Variants in ADAMTS2 observed in about 807,000 individuals in gnomAD.
ADAMTS2 encodes the protein A disintegrin and metalloproteinase with thrombospondin motifs 2.
Under a neutral mutation model 123.0 loss-of-function variants are expected in ADAMTS2, and 50 were observed. That is an observed-to-expected ratio of 0.41 (90% CI 0.32 to 0.51). The LOEUF (loss-of-function observed/expected upper bound fraction) is 0.51, where lower values mean the gene tolerates loss of function less well. Ranked by LOEUF, ADAMTS2 falls within the 20% of genes least tolerant of loss-of-function variation. The probability of loss-of-function intolerance (pLI) is 0.35; values close to 1 mark genes in which losing one functional copy is unlikely to be tolerated. For synonymous variants in ADAMTS2, 678 were observed against 695.4 expected (o/e 0.98, Z 0.39); for missense variants, 1,494 against 1,705.2 (o/e 0.88, Z 2.18).
intron 3 of ADAMTS2, among the ~76,000 whole-genome samples, chr5:179,257,013 A>G (rs150198267): frequency 0.011 from 1,673 of 152,296 alleles, 21 homozygotes; most frequent in South Asian, 0.057. Context: ...TGCCTGGCCC[A>G]TCACTGGGGT....
chr5:179,134,795 AGCCCCCAGCTCCCG>A (rs1425874565), intron 13 of ADAMTS2, among the ~76,000 whole-genome samples: 9 of 26,350 alleles, frequency 3.4e-4, no homozygotes, highest in African/African-American at 1.5e-3. Context: ...TCCCGGCTCC[AGCCCCCAGCTCCCG>A]GCTCCAGCCC....
chr5:179,253,998 A>G (rs1344609537), intron 3 of ADAMTS2, among the ~76,000 whole-genome samples: 1 of 152,164 alleles, frequency 6.6e-6, no homozygotes, highest in African/African-American at 2.4e-5. Context: ...AATATATGCC[A>G]TCCCAGGGCG....
At chr5:179,206,011 G>A (rs543596107) in intron 4 of ADAMTS2, among the ~76,000 whole-genome samples, 5 of 152,172 alleles carry the variant, frequency 3.3e-5, no homozygotes, top group East Asian at 1.9e-4. Flanking sequence ...CGCCCACCTC[G>A]GCCTCCCAAA....
chr5:179,250,631 G>A (rs186943867), intron 3 of ADAMTS2, among the ~76,000 whole-genome samples: 1 of 152,328 alleles, frequency 6.6e-6, no homozygotes, highest in Admixed American at 6.5e-5. Context: ...CCAGGCCCCA[G>A]GCAACCCTCT....
At chr5:179,224,825 G>C (rs764500910) in intron 3 of ADAMTS2, among the ~76,000 whole-genome samples, 17 of 147,728 alleles carry the variant, frequency 1.2e-4, no homozygotes, top group Non-Finnish European at 2.4e-4. Flanking sequence ...TGCCACCTCA[G>C]CTCCACGCCC....
rs62395022 is a variant in ADAMTS2, at chr5:179,297,220, C to T, written c.535-24156G>A. On this transcript the variant is annotated intron_variant, in intron 2 of 21. Coordinates refer to ENST00000251582, the MANE Select transcript of ADAMTS2 (RefSeq NM_014244.5). ...GCAGAGGGGCACAGACTCATTGACT[C>T]GGGAAATGGGCCGGATTGATTTCTG... 1.7e-3 allele frequency among the ~76,000 whole-genome samples: 257 copies of T among 152,238 alleles called. 1 individual carries two copies. Among genetic ancestry groups the T allele is most frequent in the Admixed American group, 5.6e-3 (85 of 15,292 alleles).
At position 179,154,037 on chromosome 5, in the gene ADAMTS2, G is replaced by T. The variant is rs773245710; in HGVS notation, c.1382+12C>A. On this transcript the variant is annotated intron_variant, in intron 8 of 21. Transcript: ENST00000251582. ...TGAGGGGTCGCCCACGGGGCACATG[G>T]GCAGTACTCACTGCAGGTAGCGGCT... 5 of 1,596,280 alleles carry T rather than the reference G, an allele frequency of 3.1e-6. No individual in the cohort carries two copies. Among genetic ancestry groups the T allele is most frequent in the African/African-American group, 2.7e-5 (2 of 74,976 alleles).
Position 179,225,557 on chromosome 5 carries a change from G to A in ADAMTS2, c.689-17842C>T, listed in dbSNP as rs1047734188. On this transcript the variant is annotated intron_variant, in intron 3 of 21. Transcript: ENST00000251582. The surrounding 1 kb of genome is among the most constrained non-coding windows in gnomAD (Gnocchi z 4.5). ...AGGCAGACACAGGCGGCTGGACGTC[G>A]AGAGGAGCGCATGAGGGGAGGAACA... 2.0e-5 allele frequency among the ~76,000 whole-genome samples: 3 copies of A among 152,200 alleles called. No homozygotes were observed. Among genetic ancestry groups the A allele is most frequent in the South Asian group, 2.1e-4 (1 of 4,808 alleles).
At chr5:179,337,527 C>T (rs1251495453) in intron 2 of ADAMTS2, among the ~76,000 whole-genome samples, 1 of 152,188 alleles carries the variant, frequency 6.6e-6, no homozygotes, top group African/African-American at 2.4e-5. Context: ...GACACGCACA[C>T]GTCCACATGC....
chr5:179,146,078 C>T (rs900000988), intron 10 of ADAMTS2, among the ~76,000 whole-genome samples: 2 of 152,188 alleles, frequency 1.3e-5, no homozygotes, highest in Non-Finnish European at 2.9e-5. Context: ...TGGTCTCAAA[C>T]TCCTGACCTC....
Position 179,122,658 on chromosome 5 carries a change from A to T in ADAMTS2, c.3074T>A (p.Leu1025His), listed in dbSNP as rs1762784489. Reference protein sequence around the residue: ...ERPETARTCRLGPCPRNISDP... With the variant: ...ERPETARTCRHGPCPRNISDP... ...AGGTGGCTTACGGGGACAGGGGCCA[A>T]GCCTGCAGGTCCTCGCTGTCTCAGG... Residue 1025 changes from leucine (L) to histidine (H), a missense_variant, in exon 20 of 22, where the codon CTT (leucine) becomes CAT (histidine). Physicochemically the swap from Leu to His is moderately conservative, Grantham distance 99 (BLOSUM62 -3). Coordinates refer to ENST00000251582, the MANE Select transcript of ADAMTS2 (RefSeq NM_014244.5). 1 of 1,551,192 alleles carries T rather than the reference A, an allele frequency of 6.4e-7. No individual in the cohort carries two copies. The highest frequency in any genetic ancestry group is 1.4e-5 in the African/African-American group (1 of 73,152).
At chr5:179,271,279 C>T (rs954134537) in intron 3 of ADAMTS2, among the ~76,000 whole-genome samples, 2 of 152,178 alleles carry the variant, frequency 1.3e-5, no homozygotes, top group East Asian at 3.9e-4. Context: ...CATATGGAAT[C>T]TGGGATCAGA....
chr5:179,275,708 C>T (rs1255112357), intron 2 of ADAMTS2, among the ~76,000 whole-genome samples: 1 of 152,212 alleles, frequency 6.6e-6, no homozygotes, highest in Non-Finnish European at 1.5e-5. Flanking sequence ...AAGTGTCCTC[C>T]CCCAGAGTCT....
At chr5:179,236,109 T>C (rs941980348) in intron 3 of ADAMTS2, among the ~76,000 whole-genome samples, 1 of 152,220 alleles carries the variant, frequency 6.6e-6, no homozygotes, top group Non-Finnish European at 1.5e-5. Flanking sequence ...ACACTCTGCC[T>C]AGCCCTCTGC....
At chr5:179,160,125 C>A (rs1306382616) in intron 5 of ADAMTS2, among the ~76,000 whole-genome samples, 1 of 152,178 alleles carries the variant, frequency 6.6e-6, no homozygotes, top group Non-Finnish European at 1.5e-5. Flanking sequence ...ATAAATGTAT[C>A]CACAAAGTAG....
intron 10 of ADAMTS2, among the ~76,000 whole-genome samples, chr5:179,145,712 C>G (rs999744949): frequency 2.6e-5 from 4 of 151,994 alleles, no homozygotes; most frequent in Non-Finnish European, 5.9e-5. Flanking sequence ...TGGAGTTGGG[C>G]GAGAGTAGGA....
intron 21 of ADAMTS2, 105 bp downstream of exon 21, chr5:179,121,556 A>C: frequency 1.1e-6 from 1 of 938,930 alleles, no homozygotes. Context: ...CCGCAGAGTC[A>C]GGGGAGCTTT....
intron 21 of ADAMTS2, among the ~76,000 whole-genome samples, chr5:179,119,230 T>C (rs994990373): frequency 6.6e-6 from 1 of 152,182 alleles, no homozygotes; most frequent in Non-Finnish European, 1.5e-5. Context: ...TAAGCTGCGA[T>C]TGCTTTTGAT....
Position 179,121,839 on chromosome 5 carries a change from TG to T in ADAMTS2, c.3089-90del, listed in dbSNP as rs556769397. The T allele has an allele frequency of 1.9e-4, 169 of 895,520 alleles. 4 individuals carry two copies. The South Asian group carries it at 3.2e-3, about 17-fold the overall frequency. 55.5% of individuals were successfully genotyped at this position (895,520 alleles called of 1,614,324 possible). A position where few individuals can be genotyped will look rare whatever the true frequency, so the allele number is the denominator to read the frequency against. Reference sequence around the variant, plus strand: ...AGAGGCTCCGGGTCTCCCGGGGTCCTGGGGAAGCGTCATTCAAGGCCCTCGC... The same window carrying T: ...AGAGGCTCCGGGTCTCCCGGGGTCCTGGGAAGCGTCATTCAAGGCCCTCGC... On this transcript the variant is annotated intron_variant, in intron 20 of 21. Transcript: ENST00000251582.
Sources: allele counts gnomAD v4.1 joint callset (sites outside exome capture counted in the v4.1 genomes callset), GRCh38; gene constraint gnomAD v4.1.1; non-coding constraint Gnocchi (gnomAD v3.1); transcripts MANE v1.5; gene names NCBI Gene and HGNC (gene_info 2026-07-23, HGNC 2026-07-21).